Variants in XRRA1 observed in about 807,000 individuals in gnomAD.
XRRA1 encodes the protein X-ray radiation resistance associated 1, also known as X-ray radiation resistance-associated protein 1.
Under a neutral mutation model 80.2 loss-of-function variants are expected in XRRA1, and 69 were observed. The observed-to-expected ratio is 0.86, with a 90% CI of 0.71 to 1.05. XRRA1 has a LOEUF of 1.05. Ranked by LOEUF, XRRA1 falls within the 50% of genes least tolerant of loss-of-function variation. The pLI is 0.00. For synonymous variants in XRRA1, 348 were observed against 389.9 expected, an observed-to-expected ratio of 0.89 and a Z score of 1.27; for missense variants, 967 against 976.4, an observed-to-expected ratio of 0.99 and a Z score of 0.13.
At chr11:74,935,168 T>C (rs10899052) in intron 4 of XRRA1, among the ~76,000 whole-genome samples, 38,678 of 152,092 alleles carry the variant, frequency 0.25, 5,830 homozygotes, top group East Asian at 0.53. Flanking sequence ...TTGGAAAGCA[T>C]TTTCTTACTT....
rs543690227 is a variant in XRRA1, at chr11:74,929,544, T to C, written c.424+756A>G. Among the ~76,000 whole-genome samples the C allele has an allele frequency of 2.0e-5, 3 of 152,334 alleles. No homozygotes were observed. The South Asian group carries it at 6.2e-4, about 32-fold the overall frequency. Reference sequence around the variant, plus strand: ...ATAATCCAGTCGCTGCCAATCTGTCTAGTTTCAATTGTCCCCCACATGCTT... The same window carrying C: ...ATAATCCAGTCGCTGCCAATCTGTCCAGTTTCAATTGTCCCCCACATGCTT... On this transcript the variant is annotated intron_variant, in intron 6 of 18. Transcript: ENST00000684022.
chr11:74,923,504 C>T (rs1200978422), intron 7 of XRRA1, among the ~76,000 whole-genome samples: 1 of 152,206 alleles, frequency 6.6e-6, no homozygotes, highest in African/African-American at 2.4e-5. Flanking sequence ...AACAGTCAGC[C>T]TATGGATTCT....
At position 74,907,276 on chromosome 11, in the gene XRRA1, G is replaced by C. The variant is rs143601450; in HGVS notation, c.657-3C>G. On this transcript the variant is annotated splice_region_variant and splice_polypyrimidine_tract_variant and intron_variant, in intron 8 of 18. Coordinates refer to ENST00000684022, the MANE Select transcript of XRRA1 (RefSeq NM_001378157.1). ...TCAGCGATGTTACAGATGCCTCCCT[G>C]TGAGTGCAAAGATCTTGGGTAATGA... 7.4e-5 allele frequency: 119 copies of C among 1,613,844 alleles called. 1 individual carries two copies. The African/African-American group carries it at 1.4e-3, about 20-fold the overall frequency.
intron 12 of XRRA1, among the ~76,000 whole-genome samples, chr11:74,852,790 G>A (rs2040198517): frequency 6.6e-6 from 1 of 152,198 alleles, no homozygotes; most frequent in Non-Finnish European, 1.5e-5. Context: ...ATCTTGGCGA[G>A]AGTATTTATT....
chr11:74,856,450 G>A (rs887283323), intron 12 of XRRA1, among the ~76,000 whole-genome samples: 2 of 152,138 alleles, frequency 1.3e-5, no homozygotes, highest in Non-Finnish European at 2.9e-5. Context: ...GAGTCCAATA[G>A]AGAGCTAACA....
intron 10 of XRRA1, among the ~76,000 whole-genome samples, chr11:74,882,100 T>G (rs1482266806): frequency 1.3e-5 from 2 of 151,824 alleles, no homozygotes; most frequent in Non-Finnish European, 2.9e-5. Flanking sequence ...TCCTGCAGAG[T>G]GTTTTCCAAC....
chr11:74,867,958 G>A lies in XRRA1; in HGVS notation c.1004-4937C>T, dbSNP rs191049884. Among the ~76,000 whole-genome samples, 7 of 119,604 alleles carry A rather than the reference G, an allele frequency of 5.9e-5. No homozygotes were observed. In the East Asian group the frequency reaches 1.1e-3, roughly 18 times the overall value. The allele number at this position is 119,604 out of a possible 152,430, so 78.5% of individuals were successfully genotyped here. The stretch of plus-strand genomic sequence containing the variant: ...TTTTCTGAGACAGAGTCTTGCTCCC[G>A]TCATCCAGGCTGGAGTACAATGGTG... On this transcript the variant is annotated intron_variant, in intron 10 of 18. Coordinates refer to ENST00000684022, the MANE Select transcript of XRRA1 (RefSeq NM_001378157.1).
chr11:74,876,717 CA>C (rs2046125047), intron 10 of XRRA1: 2 of 152,138 alleles, frequency 1.3e-5, no homozygotes, highest in Non-Finnish European at 2.9e-5. Flanking sequence ...CCAGACAGCC[CA>C]GAGGAATGTC....
At chr11:74,915,805 T>C (rs1338665826) in intron 8 of XRRA1, among the ~76,000 whole-genome samples, 5 of 152,228 alleles carry the variant, frequency 3.3e-5, no homozygotes. Context: ...ATCCTTTCAT[T>C]TCAACCTGCA....
At chr11:74,947,244 G>A (rs1268013939) in intron 1 of XRRA1, among the ~76,000 whole-genome samples, 1 of 152,138 alleles carries the variant, frequency 6.6e-6, no homozygotes, top group Non-Finnish European at 1.5e-5. Flanking sequence ...ATGAGAAGTT[G>A]GCCTGGTGTG....
At chr11:74,858,199 T>G (rs374513916) in intron 12 of XRRA1, among the ~76,000 whole-genome samples, 3 of 152,226 alleles carry the variant, frequency 2.0e-5, no homozygotes, top group East Asian at 3.8e-4. Flanking sequence ...CTAACTATTT[T>G]GGATCAATAA....
Position 74,905,250 on chromosome 11 carries a change from C to T in XRRA1, c.1003+989G>A, listed in dbSNP as rs561968811. Among the ~76,000 whole-genome samples, 105 of 152,242 alleles carry T rather than the reference C, an allele frequency of 6.9e-4. 1 individual carries two copies. Among genetic ancestry groups the T allele is most frequent in the Admixed American group, 9.8e-4 (15 of 15,276 alleles). On this transcript the variant is annotated intron_variant, in intron 10 of 18. Transcript: ENST00000684022. ...ATAGGGTCTCGTTCTGTCATCCAGG[C>T]CAGAGGGCAGTGGCATGATCATAGC...
chr11:74,884,596 C>G (rs919008781), intron 10 of XRRA1, among the ~76,000 whole-genome samples: 3 of 152,206 alleles, frequency 2.0e-5, no homozygotes. Flanking sequence ...ACTTATTTCT[C>G]TAGGACCCCT....
At chr11:74,897,702 C>A (rs2052657691) in intron 10 of XRRA1, among the ~76,000 whole-genome samples, 1 of 121,230 alleles carries the variant, frequency 8.2e-6, no homozygotes. Flanking sequence ...CATATTTAAA[C>A]TGCTAAAAAA....
chr11:74,898,955 C>T (rs900066700), intron 10 of XRRA1, among the ~76,000 whole-genome samples: 3 of 152,166 alleles, frequency 2.0e-5, no homozygotes, highest in African/African-American at 7.2e-5. Context: ...TCAGAATACA[C>T]ATTTTTATCC....
chr11:74,882,216 T>A (rs1381241527), intron 10 of XRRA1, among the ~76,000 whole-genome samples: 2 of 151,832 alleles, frequency 1.3e-5, no homozygotes, highest in Non-Finnish European at 3.0e-5. Flanking sequence ...TTTCTTTTTA[T>A]TCTTTTTTCT....
intron 12 of XRRA1, among the ~76,000 whole-genome samples, chr11:74,856,154 A>G (rs1420623176): frequency 6.6e-6 from 1 of 152,194 alleles, no homozygotes; most frequent in East Asian, 1.9e-4. Context: ...AACAAAAATC[A>G]TTCATTCATC....
chr11:74,924,341 G>A (rs144455581), intron 7 of XRRA1, among the ~76,000 whole-genome samples: 1,551 of 151,502 alleles, frequency 0.01, 32 homozygotes, highest in African/African-American at 0.033. Context: ...GGGCATGGTG[G>A]CATGCACCTG....
At chr11:74,874,057 G>A (rs964632707) in intron 10 of XRRA1, among the ~76,000 whole-genome samples, 13 of 151,732 alleles carry the variant, frequency 8.6e-5, no homozygotes, top group African/African-American at 3.1e-4. Flanking sequence ...CCAACATGGT[G>A]AAACCCCGTC....
Sources: gnomAD v4.1 joint callset for allele counts (sites outside exome capture counted in the v4.1 genomes callset) on GRCh38, gnomAD v4.1.1 for gene constraint, MANE v1.5 for transcripts, NCBI Gene and HGNC (gene_info 2026-07-23, HGNC 2026-07-21) for gene names.